PPP1R21: variants seen among roughly 807,000 people sequenced by gnomAD.
PPP1R21 encodes KLRAQ motif containing 1.
In PPP1R21, 85 loss-of-function variants were observed where a neutral mutation model predicts 112.8. That is an observed-to-expected ratio of 0.75 (90% CI 0.63 to 0.90). The LOEUF is 0.90. Ranked by LOEUF, PPP1R21 falls within the 40% of genes least tolerant of loss-of-function variation. The pLI is 0.00. For missense variants in PPP1R21, 1,199 were observed against 901.5 expected, an observed-to-expected ratio of 1.33 and a Z score of -4.23; for synonymous variants, 381 against 322.3, an observed-to-expected ratio of 1.18 and a Z score of -1.95.
intron 15 of PPP1R21, among the ~76,000 whole-genome samples, chr2:48,493,195 C>T (rs564886609): frequency 4.0e-5 from 6 of 151,870 alleles, no homozygotes; most frequent in Admixed American, 2.6e-4. Flanking sequence ...TTAGTAGAGA[C>T]GGGGTTTCAC....
chr2:48,503,552 T>G (rs972863137), intron 17 of PPP1R21, among the ~76,000 whole-genome samples: 1 of 152,222 alleles, frequency 6.6e-6, no homozygotes, highest in Admixed American at 6.5e-5. Flanking sequence ...TATTTTCAAA[T>G]TCCTTGATCT....
chr2:48,481,964 G>A (rs1669033225), intron 13 of PPP1R21, among the ~76,000 whole-genome samples: 1 of 152,106 alleles, frequency 6.6e-6, no homozygotes, highest in African/African-American at 2.4e-5. Flanking sequence ...TATGTATAAG[G>A]TATATATGAA....
In PPP1R21 at chr2:48,500,988, G is replaced by T. The variant is rs571514033; in HGVS notation, c.1935+2253G>T. ...TGAATGTTCATGACCAATGGTCATG[G>T]TGACCTTGAATGGTCGCCACACTCA... On this transcript the variant is annotated intron_variant, in intron 17 of 21. Transcript: ENST00000294952. Among the ~76,000 whole-genome samples, 8 of 152,166 alleles carry T rather than the reference G, an allele frequency of 5.3e-5. No homozygotes were observed. The South Asian group carries it at 1.7e-3, about 32-fold the overall frequency.
chr2:48,464,977 T>C lies in PPP1R21; in HGVS notation c.735T>C (p.Asn245=), dbSNP rs140152861. 2 of 1,558,572 alleles carry C rather than the reference T, an allele frequency of 1.3e-6. No homozygotes were observed. Among genetic ancestry groups the C allele is most frequent in the Non-Finnish European group, 1.7e-6 (2 of 1,162,692 alleles). Residue 245 remains asparagine, a synonymous_variant, in exon 8 of 22, where the codon AAT becomes AAC. Coordinates refer to ENST00000294952, the MANE Select transcript of PPP1R21 (RefSeq NM_001135629.3). Reference sequence around the variant, plus strand: ...ACGCTCTGAACGTTCCACTCCACAATAGGAGACACCAGGTAAAGGATGAAG... The same window carrying C: ...ACGCTCTGAACGTTCCACTCCACAACAGGAGACACCAGGTAAAGGATGAAG... ...QYNALNVPLH[N]RRHQLKMRDI...
In PPP1R21 at chr2:48,514,760, TTGGCGAC is replaced by T; in HGVS notation, c.*19_*25del. 1 of 1,613,012 alleles carries T rather than the reference TTGGCGAC, an allele frequency of 6.2e-7. No homozygotes were observed. The highest frequency in any genetic ancestry group is 8.5e-7 in the Non-Finnish European group (1 of 1,179,710). On this transcript the variant is annotated 3_prime_UTR_variant, in exon 22 of 22. Coordinates refer to ENST00000294952, the MANE Select transcript of PPP1R21 (RefSeq NM_001135629.3). ...GAGTCGATAGTTTTGAAATAGCTGG[TTGGCGAC>T]TGTTCTTTCCAGACCTGCTCCTGCT... is the stretch of plus-strand genomic sequence containing the variant.
chr2:48,474,650 A>T (rs369602513), intron 11 of PPP1R21, 33 bp from the exon 12 acceptor site: 3 of 1,584,838 alleles, frequency 1.9e-6, no homozygotes, highest in Non-Finnish European at 2.6e-6. Flanking sequence ...ATCGTTTGGG[A>T]TGCTCACTTC....
intron 4 of PPP1R21, among the ~76,000 whole-genome samples, chr2:48,458,731 C>T (rs1313333488): frequency 1.3e-5 from 2 of 151,984 alleles, no homozygotes; most frequent in African/African-American, 4.8e-5. Flanking sequence ...TTACTTATGT[C>T]AGGCACTCAG....
At chr2:48,459,348 A>C (rs1242900686) in intron 4 of PPP1R21, among the ~76,000 whole-genome samples, 1 of 152,174 alleles carries the variant, frequency 6.6e-6, no homozygotes, top group Non-Finnish European at 1.5e-5. Context: ...AATTTTGATT[A>C]TTTTATGTGA....
At chr2:48,493,617 G>C (rs1669670234) in intron 15 of PPP1R21, among the ~76,000 whole-genome samples, 4 of 151,958 alleles carry the variant, frequency 2.6e-5, no homozygotes, top group Admixed American at 2.6e-4. Context: ...TAAATTTTTA[G>C]ATTTGGATCT....
intron 2 of PPP1R21, 109 bp from the exon 3 acceptor site, chr2:48,454,486 A>G (rs1296819403): frequency 1.5e-6 from 2 of 1,368,040 alleles, no homozygotes; most frequent in East Asian, 2.5e-5. Context: ...TGAATTTCCT[A>G]AAGCAAGAGG....
At position 48,491,116 on chromosome 2, in the gene PPP1R21, A is replaced by G; in HGVS notation, c.1545A>G (p.Glu515=). The G allele has an allele frequency of 6.2e-7, 1 of 1,614,200 alleles. No individual in the cohort carries two copies. Among genetic ancestry groups the G allele is most frequent in the African/African-American group, 1.3e-5 (1 of 75,062 alleles). Residue 515 remains glutamate, a synonymous_variant, in exon 15 of 22, where the codon GAA becomes GAG. Coordinates refer to ENST00000294952, the MANE Select transcript of PPP1R21 (RefSeq NM_001135629.3). The part of the protein sequence containing the change: ...ASGFISPLSA[E]CMLQYKKKAA... ...GATTCATTAGTCCTCTTTCAGCTGA[A>G]TGCATGCTACAGTATAAGAAAAAAG...
In PPP1R21 at chr2:48,497,831, T is replaced by G. The variant is rs201778338; in HGVS notation, c.1693-662T>G. 3.9e-5 allele frequency among the ~76,000 whole-genome samples: 6 copies of G among 152,038 alleles called. No individual in the cohort carries two copies. The East Asian group carries it at 1.2e-3, about 29-fold the overall frequency. On this transcript the variant is annotated intron_variant, in intron 16 of 21. Transcript: ENST00000294952. Reference sequence around the variant, plus strand: ...CACACCTGGCTAATTTTTTGTATTTTTAATAGAGATGGGGTTTCACTGTGT... The same window carrying G: ...CACACCTGGCTAATTTTTTGTATTTGTAATAGAGATGGGGTTTCACTGTGT...
At chr2:48,489,600 A>G (rs748135142) in intron 14 of PPP1R21, among the ~76,000 whole-genome samples, 31 of 151,900 alleles carry the variant, frequency 2.0e-4, no homozygotes, top group Non-Finnish European at 2.8e-4. Context: ...TCAGCCTCTC[A>G]AAGTGTTGGG....
chr2:48,509,158 C>T (rs562981828), intron 19 of PPP1R21, among the ~76,000 whole-genome samples: 288 of 152,180 alleles, frequency 1.9e-3, no homozygotes, highest in Non-Finnish European at 3.5e-3. Context: ...TTGGTAGAAC[C>T]CCTAAAGAAA....
chr2:48,458,298 C>G (rs1667813329), intron 4 of PPP1R21, 71 bp downstream of exon 4: 2 of 955,360 alleles, frequency 2.1e-6, no homozygotes, highest in African/African-American at 3.2e-5. Context: ...AAAGCTAATG[C>G]ACATAGAGTG....
Position 48,454,739 on chromosome 2 carries a change from A to C in PPP1R21, c.271A>C (p.Lys91Gln). Residue 91 changes from lysine (K) to glutamine (Q), a missense_variant and splice_region_variant, in exon 3 of 22, where the codon AAG becomes CAG. Transcript: ENST00000294952. ...ALSEPRGKKN[K>Q]KSGESSSQLS... is the part of the protein sequence containing the mutation. ...AAGTGAACCACGAGGCAAGAAAAACAAGGTAGGTTCAAATACAGGCAAGTT... is the reference window on the plus strand; with the variant it reads ...AAGTGAACCACGAGGCAAGAAAAACCAGGTAGGTTCAAATACAGGCAAGTT... 6.2e-7 allele frequency: 1 copy of C among 1,613,366 alleles called. No individual in the cohort carries two copies. The highest frequency in any genetic ancestry group is 8.5e-7 in the Non-Finnish European group (1 of 1,179,252).
At chr2:48,476,590 C>G (rs1362330831) in intron 12 of PPP1R21, among the ~76,000 whole-genome samples, 3 of 152,202 alleles carry the variant, frequency 2.0e-5, no homozygotes, top group Non-Finnish European at 4.4e-5. Flanking sequence ...GTTCTAATTT[C>G]TCCACATCCT....
chr2:48,446,637 G>A (rs1021988340), intron 1 of PPP1R21, among the ~76,000 whole-genome samples: 2 of 152,104 alleles, frequency 1.3e-5, no homozygotes, highest in African/African-American at 2.4e-5. Context: ...AATTTATTGA[G>A]TTCCTTCTCT....
chr2:48,491,587 A>G (rs1669567277), intron 15 of PPP1R21, among the ~76,000 whole-genome samples: 1 of 152,226 alleles, frequency 6.6e-6, no homozygotes, highest in Non-Finnish European at 1.5e-5. Flanking sequence ...TATATTAAGA[A>G]GAAAATTGTG....
Sources: allele counts gnomAD v4.1 joint callset (sites outside exome capture counted in the v4.1 genomes callset), GRCh38; gene constraint gnomAD v4.1.1; transcripts MANE v1.5; gene names NCBI Gene and HGNC (gene_info 2026-07-23, HGNC 2026-07-21).